Variants in SLC2A9 observed in about 807,000 individuals in gnomAD.
SLC2A9 encodes the protein solute carrier family 2 member 9, also known as solute carrier family 2, facilitated glucose transporter member 9.
Under a neutral mutation model 50.6 loss-of-function variants are expected in SLC2A9, and 39 were observed. That is an observed-to-expected ratio of 0.77 (90% confidence interval 0.60 to 1.01). SLC2A9 has a LOEUF of 1.01. SLC2A9 is among the 50% of genes least tolerant of loss of function. The pLI is 0.00. For synonymous variants in SLC2A9, 324 were observed against 276.9 expected (o/e 1.17, Z -1.69); for missense variants, 686 against 677.6 (o/e 1.01, Z -0.14).
chr4:9,903,278 A>G (rs1278398602), intron 8 of SLC2A9, among the ~76,000 whole-genome samples: 1 of 151,036 alleles, frequency 6.6e-6, no homozygotes, highest in Non-Finnish European at 1.5e-5. Flanking sequence ...TTTTTTTACT[A>G]CAAGTCAAGA....
At chr4:9,855,485 A>G (rs954893953) in intron 10 of SLC2A9, among the ~76,000 whole-genome samples, 5 of 152,166 alleles carry the variant, frequency 3.3e-5, no homozygotes, top group African/African-American at 1.2e-4. Flanking sequence ...ACAAATAGAA[A>G]AACATTCCAT....
chr4:9,815,844 T>C (rs750507566), intron 3 of SLC2A9, among the ~76,000 whole-genome samples: 2 of 152,152 alleles, frequency 1.3e-5, no homozygotes, highest in African/African-American at 4.8e-5. Flanking sequence ...GTTTGAATCA[T>C]GTAAAATAAA....
chr4:9,892,792 C>T (rs1011500326), intron 8 of SLC2A9, among the ~76,000 whole-genome samples: 14 of 152,144 alleles, frequency 9.2e-5, no homozygotes, highest in Admixed American at 7.2e-4. Flanking sequence ...GGCTGTGTGG[C>T]CTTGAACAAG....
intron 4 of SLC2A9, among the ~76,000 whole-genome samples, chr4:9,983,968 A>C (rs887577826): frequency 6.6e-6 from 1 of 152,206 alleles, no homozygotes; most frequent in Admixed American, 6.5e-5. Context: ...TAAAATGAAC[A>C]TGAGAAAACA....
At chr4:10,016,980 C>A (rs35866697) in intron 2 of SLC2A9, among the ~76,000 whole-genome samples, 69,385 of 151,734 alleles carry the variant, frequency 0.46, 16,995 homozygotes, top group South Asian at 0.59. Flanking sequence ...TCACACGCTA[C>A]TAACTTCCTA....
chr4:9,951,570 T>C (rs1414642768), intron 5 of SLC2A9, among the ~76,000 whole-genome samples: 2 of 152,266 alleles, frequency 1.3e-5, no homozygotes, highest in African/African-American at 4.8e-5. Flanking sequence ...ATATCCCACT[T>C]AGGAAGGCTT....
chr4:9,851,598 T>C (rs987978072), intron 10 of SLC2A9, among the ~76,000 whole-genome samples: 4 of 152,120 alleles, frequency 2.6e-5, no homozygotes, highest in Non-Finnish European at 4.4e-5. Context: ...ATGACAGACA[T>C]AGAATTCAGA....
intron 1 of SLC2A9, among the ~76,000 whole-genome samples, chr4:10,020,480 A>G (rs971278869): frequency 6.6e-6 from 1 of 152,178 alleles, no homozygotes; most frequent in African/African-American, 2.4e-5. Context: ...GGGAACATTT[A>G]TAAGCCTTGG....
downstream of SLC2A9, among the ~76,000 whole-genome samples, chr4:9,825,207 G>T (rs917126656): frequency 4.6e-5 from 7 of 152,134 alleles, no homozygotes; most frequent in Non-Finnish European, 8.8e-5. Context: ...ATAGGAAATC[G>T]CCCAAACCAC....
chr4:9,893,139 C>T (rs183204851), intron 8 of SLC2A9, among the ~76,000 whole-genome samples: 21 of 152,216 alleles, frequency 1.4e-4, no homozygotes, highest in African/African-American at 5.1e-4. Flanking sequence ...ACAGTCAATG[C>T]CACCACTTGG....
chr4:9,960,993 G>C (rs1752176564), intron 5 of SLC2A9, among the ~76,000 whole-genome samples: 1 of 152,166 alleles, frequency 6.6e-6, no homozygotes, highest in Admixed American at 6.5e-5. Context: ...TACATATAGT[G>C]TCTCTTTTAA....
chr4:10,000,144 C>A (rs1430103862), intron 2 of SLC2A9, among the ~76,000 whole-genome samples: 1 of 152,178 alleles, frequency 6.6e-6, no homozygotes, highest in African/African-American at 2.4e-5. Flanking sequence ...TTACTCATAG[C>A]ACGGAGTGAG....
intron 7 of SLC2A9, among the ~76,000 whole-genome samples, chr4:9,909,231 G>A (rs1335394277): frequency 6.6e-6 from 1 of 152,182 alleles, no homozygotes; most frequent in African/African-American, 2.4e-5. Flanking sequence ...GTTAGCCTGT[G>A]CCCTTACTGA....
In SLC2A9 at chr4:9,985,767, C is replaced by A; in HGVS notation, c.437G>T (p.Gly146Val). ...GRKHTLLANN[G>V]FAISAALLMA... ...CAGCAATGCAGCAGAAATTGCAAACCCATTATTGGCCAGCAAAGTGTGCTT... is the reference window on the plus strand; with the variant it reads ...CAGCAATGCAGCAGAAATTGCAAACACATTATTGGCCAGCAAAGTGTGCTT... Residue 146 changes from glycine (G) to valine (V), a missense_variant, in exon 4 of 12, where the codon GGG becomes GTG. Transcript: ENST00000264784. The A allele has an allele frequency of 6.2e-7, 1 of 1,613,994 alleles. No individual in the cohort carries two copies. The highest frequency in any genetic ancestry group is 8.5e-7 in the Non-Finnish European group (1 of 1,179,876).
chr4:10,028,131 G>C lies in SLC2A9; in HGVS notation c.-40-2125C>G, dbSNP rs147018551. ...ACCCAGCTGCCCAAGCAGCCCCTTCGAGCTGCCACACCAGGCCACTCTGCC... is the reference window on the plus strand; with the variant it reads ...ACCCAGCTGCCCAAGCAGCCCCTTCCAGCTGCCACACCAGGCCACTCTGCC... On this transcript the variant is annotated intron_variant, in intron 1 of 12. Transcript: ENST00000309065. Among the ~76,000 whole-genome samples the C allele has an allele frequency of 5.2e-3, 797 of 152,238 alleles. 7 individuals are homozygous for C. Among genetic ancestry groups the C allele is most frequent in the Middle Eastern group, 0.02 (6 of 294 alleles).
intron 8 of SLC2A9, among the ~76,000 whole-genome samples, chr4:9,896,684 G>T (rs1260311870): frequency 6.6e-6 from 1 of 152,090 alleles, no homozygotes; most frequent in Non-Finnish European, 1.5e-5. Flanking sequence ...TTTCTCCTTT[G>T]CTTCTAGAAG....
chr4:9,980,779 C>G, intron 4 of SLC2A9, 42 bp from the exon 5 acceptor site: 1 of 1,613,858 alleles, frequency 6.2e-7, no homozygotes, highest in Non-Finnish European at 8.5e-7. Flanking sequence ...AGGTGTCTTC[C>G]CGGGGGAGCT....
At chr4:9,895,638 G>A (rs1405824053) in intron 8 of SLC2A9, among the ~76,000 whole-genome samples, 1 of 152,216 alleles carries the variant, frequency 6.6e-6, no homozygotes, top group Non-Finnish European at 1.5e-5. Flanking sequence ...GACCTCTGGT[G>A]AAATAATAAT....
chr4:9,918,360 C>T lies in SLC2A9; in HGVS notation c.1002+2025G>A, dbSNP rs142512695. ...CAGCAGGTACAGGGGAGAGCTGGAC[C>T]ACAGTGTGGCTGTGATGCTGGCATT... On this transcript the variant is annotated intron_variant, in intron 7 of 11. Transcript: ENST00000264784. Among the ~76,000 whole-genome samples the T allele has an allele frequency of 6.1e-4, 93 of 152,222 alleles. 1 individual carries two copies. The East Asian group carries it at 0.016, about 26-fold the overall frequency.
Sources: allele counts gnomAD v4.1 joint callset (sites outside exome capture counted in the v4.1 genomes callset), GRCh38; gene constraint gnomAD v4.1.1; transcripts MANE v1.5; gene names NCBI Gene and HGNC (gene_info 2026-07-23, HGNC 2026-07-21).